RORA: variants seen among roughly 807,000 people sequenced by gnomAD.
RORA encodes the protein RAR related orphan receptor A.
Under a neutral mutation model 69.5 loss-of-function variants are expected in RORA, and 7 were observed. The observed-to-expected ratio is 0.10, with a 90% CI of 0.06 to 0.19. The LOEUF is 0.19. Ranked by LOEUF, RORA falls within the 10% of genes least tolerant of loss-of-function variation. RORA has a pLI of 1.00. For missense variants in RORA, 457 were observed against 663.0 expected (o/e 0.69, Z 3.41); for synonymous variants, 261 against 240.8 (o/e 1.08, Z -0.78).
At chr15:60,581,993 A>G (rs2068207917) in intron 2 of RORA, among the ~76,000 whole-genome samples, 1 of 152,218 alleles carries the variant, frequency 6.6e-6, no homozygotes, top group Non-Finnish European at 1.5e-5. Flanking sequence ...GAATAAAATT[A>G]CTGTGGTACG....
intron 1 of RORA, among the ~76,000 whole-genome samples, chr15:60,946,487 C>A (rs1458729989): frequency 1.3e-5 from 2 of 152,358 alleles, no homozygotes; most frequent in East Asian, 3.9e-4. Context: ...CCGGGCTGGT[C>A]TCCAGCTCCT....
Position 61,217,673 on chromosome 15 carries a change from C to A in RORA, c.166+11380G>T, listed in dbSNP as rs1421594493. On this transcript the variant is annotated intron_variant, in intron 1 of 10. Transcript: ENST00000335670. ...TCTTGTTTGCTGCTTTATCCCCAGGCCCTAGCACATAGAAAGTACTCAGTA... is the reference window on the plus strand; with the variant it reads ...TCTTGTTTGCTGCTTTATCCCCAGGACCTAGCACATAGAAAGTACTCAGTA... Among the ~76,000 whole-genome samples, 3 of 152,034 alleles carry A rather than the reference C, an allele frequency of 2.0e-5. No homozygotes were observed. The East Asian group carries it at 5.8e-4, about 29-fold the overall frequency.
At chr15:60,556,791 T>G in intron 2 of RORA, 3 of 1,280,528 alleles carry the variant, frequency 2.3e-6, no homozygotes, top group Non-Finnish European at 3.4e-6. Flanking sequence ...AAACCTCACT[T>G]CTTCCTAAAA....
intron 2 of RORA, among the ~76,000 whole-genome samples, chr15:60,597,548 C>CACAA (rs1451408326): frequency 1.8e-5 from 1 of 55,928 alleles, no homozygotes; most frequent in Admixed American, 2.4e-4. Flanking sequence ...CACACACACA[C>CACAA]AACATATATA....
At chr15:60,868,593 C>T (rs969300069) in intron 1 of RORA, among the ~76,000 whole-genome samples, 2 of 152,102 alleles carry the variant, frequency 1.3e-5, no homozygotes, top group Non-Finnish European at 2.9e-5. Flanking sequence ...GGGATTTAAA[C>T]AGCAAATGAA....
intron 1 of RORA, among the ~76,000 whole-genome samples, chr15:61,079,033 A>G (rs1025613781): frequency 7.9e-5 from 12 of 152,170 alleles, no homozygotes; most frequent in African/African-American, 2.7e-4. Flanking sequence ...TAAATGACTA[A>G]GTCCACATGC....
At chr15:60,995,688 G>C (rs940226) in intron 1 of RORA, among the ~76,000 whole-genome samples, 3 of 151,764 alleles carry the variant, frequency 2.0e-5, no homozygotes, top group African/African-American at 7.3e-5. Flanking sequence ...ACAGAGTCTC[G>C]TGATATGCTG....
rs1567034363 is a variant in RORA, at chr15:60,496,876, C to A, written c.*579G>T. 6.6e-6 allele frequency: 1 copy of A among 152,206 alleles called. No individual in the cohort carries two copies. Among genetic ancestry groups the A allele is most frequent in the Non-Finnish European group, 1.5e-5 (1 of 68,046 alleles). 9.4% of individuals were successfully genotyped at this position (152,206 alleles called of 1,614,324 possible). ...ACTTAAAACAATATATAAACAATAT[C>A]TCTTTTAGCTATATATAGTCTTCAT... On this transcript the variant is annotated 3_prime_UTR_variant, in exon 11 of 11. Coordinates refer to ENST00000335670, the MANE Select transcript of RORA (RefSeq NM_134261.3). The surrounding 1 kb of genome is among the most constrained non-coding windows in gnomAD (Gnocchi z 4.5).
At chr15:60,942,213 A>G (rs1291199794) in intron 1 of RORA, among the ~76,000 whole-genome samples, 1 of 152,212 alleles carries the variant, frequency 6.6e-6, no homozygotes, top group African/African-American at 2.4e-5. Flanking sequence ...CTGTGCACAC[A>G]GTAGATCTTT....
At chr15:60,791,685 A>C (rs972466375) in intron 1 of RORA, among the ~76,000 whole-genome samples, 3 of 152,232 alleles carry the variant, frequency 2.0e-5, no homozygotes, top group African/African-American at 7.2e-5. Context: ...ATATATGTGC[A>C]TGAGGGAGAC....
chr15:60,833,082 T>A (rs2073068257), intron 1 of RORA, among the ~76,000 whole-genome samples: 1 of 151,750 alleles, frequency 6.6e-6, no homozygotes, highest in African/African-American at 2.4e-5. Context: ...TTTTTTGTAT[T>A]TTTAGTAGAG....
chr15:60,615,702 G>T (rs762878494), intron 2 of RORA, among the ~76,000 whole-genome samples: 7 of 152,156 alleles, frequency 4.6e-5, no homozygotes, highest in Non-Finnish European at 1.0e-4. Context: ...ACCTTTGTGC[G>T]CTGCTGAAAC....
chr15:60,781,908 C>A (rs1156845431), intron 1 of RORA, among the ~76,000 whole-genome samples: 1 of 152,226 alleles, frequency 6.6e-6, no homozygotes, highest in Non-Finnish European at 1.5e-5. Context: ...CAGCCCCTTT[C>A]AGGCAGTGGG....
At chr15:61,219,892 T>G (rs2080078713) in intron 1 of RORA, among the ~76,000 whole-genome samples, 1 of 152,150 alleles carries the variant, frequency 6.6e-6, no homozygotes. Context: ...AAAAGTCAGC[T>G]TTAGAGGGTT....
At chr15:60,810,143 GAA>G (rs2072721048) in intron 1 of RORA, among the ~76,000 whole-genome samples, 1 of 152,238 alleles carries the variant, frequency 6.6e-6, no homozygotes, top group South Asian at 2.1e-4. Context: ...GTAGTCTCCT[GAA>G]AGAGTGTGTG....
intron 1 of RORA, among the ~76,000 whole-genome samples, chr15:60,992,319 G>C (rs1484551557): frequency 5.9e-5 from 9 of 152,166 alleles, no homozygotes. Context: ...CTATGATGAA[G>C]TTAACCTAAG....
chr15:60,528,032 A>G (rs1205456333), intron 3 of RORA: 1 of 152,222 alleles, frequency 6.6e-6, no homozygotes, highest in Non-Finnish European at 1.5e-5. Context: ...CCACCTAGGT[A>G]TGCTGTCTAG....
intron 1 of RORA, among the ~76,000 whole-genome samples, chr15:60,717,244 G>T (rs1282928794): frequency 1.3e-5 from 2 of 152,180 alleles, no homozygotes; most frequent in African/African-American, 2.4e-5. Context: ...TGTTGTGGTG[G>T]TATGTATGCA....
chr15:60,908,219 A>T (rs1208641613), intron 1 of RORA, among the ~76,000 whole-genome samples: 31 of 152,222 alleles, frequency 2.0e-4, no homozygotes. Context: ...ATGCACCTTC[A>T]TGCCTGAGCT....
Sources: allele counts gnomAD v4.1 joint callset (sites outside exome capture counted in the v4.1 genomes callset), GRCh38; gene constraint gnomAD v4.1.1; non-coding constraint Gnocchi (gnomAD v3.1); transcripts MANE v1.5; gene names NCBI Gene and HGNC (gene_info 2026-07-23, HGNC 2026-07-21).